The following LRRC72 variants were observed in gnomAD, a reference collection of about 807,000 sequenced individuals.
LRRC72 encodes the protein leucine rich repeat containing 72, also known as leucine-rich repeat-containing protein 72.
Under a neutral mutation model 35.8 loss-of-function variants are expected in LRRC72, and 41 were observed. The observed-to-expected ratio is 1.15, with a 90% CI of 0.89 to 1.49. The LOEUF (loss-of-function observed/expected upper bound fraction) is 1.49, where lower values mean the gene tolerates loss of function less well. LRRC72 is among the 40% of genes most tolerant of loss of function. The pLI is 0.00. For synonymous variants in LRRC72, 118 were observed against 119.2 expected (o/e 0.99, Z 0.07); for missense variants, 389 against 330.7 (o/e 1.18, Z -1.37).
intron 3 of LRRC72, among the ~76,000 whole-genome samples, chr7:16,547,777 G>A (rs1408481541): frequency 3.3e-5 from 5 of 152,244 alleles, no homozygotes; most frequent in Admixed American, 3.3e-4. Flanking sequence ...AGGCTAAAGG[G>A]GAGCTGAAGG....
chr7:16,535,397 G>A (rs1053744170), intron 2 of LRRC72, among the ~76,000 whole-genome samples: 8 of 152,108 alleles, frequency 5.3e-5, no homozygotes, highest in African/African-American at 1.9e-4. Context: ...GAATGAATGA[G>A]ATAGAAGAGG....
At chr7:16,581,122 A>G (rs1783133947) in intron 8 of LRRC72, among the ~76,000 whole-genome samples, 2 of 152,240 alleles carry the variant, frequency 1.3e-5, no homozygotes, top group South Asian at 4.1e-4. Flanking sequence ...TATTTATAAA[A>G]TAAACAATAT....
intron 5 of LRRC72, 30 bp downstream of exon 5, chr7:16,559,029 AG>A (rs1379442070): frequency 1.6e-5 from 21 of 1,274,138 alleles, no homozygotes; most frequent in Non-Finnish European, 2.3e-5. Context: ...TATGGCCATA[AG>A]TTAAAATAGT....
intron 3 of LRRC72, 95 bp downstream of exon 3, chr7:16,537,791 T>G (rs1001453483): frequency 1.4e-6 from 1 of 739,728 alleles, no homozygotes; most frequent in African/African-American, 1.8e-5. Context: ...ATTAAAATTT[T>G]TGCTTAAAAT....
chr7:16,544,091 G>A (rs909145827), intron 3 of LRRC72, among the ~76,000 whole-genome samples: 34 of 152,344 alleles, frequency 2.2e-4, no homozygotes, highest in African/African-American at 7.9e-4. Flanking sequence ...GGTAAAGGGA[G>A]TGGCTCTGCT....
Position 16,581,506 on chromosome 7 carries a change from A to G in LRRC72, c.*17A>G, listed in dbSNP as rs1176731834. 5 of 1,519,608 alleles carry G rather than the reference A, an allele frequency of 3.3e-6. No individual in the cohort carries two copies. The highest frequency in any genetic ancestry group is 4.4e-6 in the Non-Finnish European group (5 of 1,132,860). The allele number at this position is 1,519,608 out of a possible 1,614,324, so 94.1% of individuals were successfully genotyped here. On this transcript the variant is annotated 3_prime_UTR_variant, in exon 9 of 9. Coordinates refer to ENST00000401542, the MANE Select transcript of LRRC72 (RefSeq NM_001195280.2). ...CTGAGATAAGCCCTGGTATTTCTAG[A>G]TATCTTAGTGGTTTTCAGTTGTATA...
At chr7:16,548,102 GAGGAGCTATCT>G (rs767730079) in intron 3 of LRRC72, among the ~76,000 whole-genome samples, 3 of 152,254 alleles carry the variant, frequency 2.0e-5, no homozygotes, top group Non-Finnish European at 4.4e-5. Flanking sequence ...CAGCTGCAGA[GAGGAGCTATCT>G]TCTCTGCTGA....
intron 3 of LRRC72, among the ~76,000 whole-genome samples, chr7:16,545,848 A>C (rs1181680947): frequency 6.6e-6 from 1 of 152,152 alleles, no homozygotes; most frequent in African/African-American, 2.4e-5. Flanking sequence ...TGATTTAACC[A>C]AAAAATATAA....
chr7:16,555,843 G>C (rs1382543286), intron 3 of LRRC72, among the ~76,000 whole-genome samples: 1 of 152,202 alleles, frequency 6.6e-6, no homozygotes, highest in East Asian at 1.9e-4. Flanking sequence ...TTACAGTCAG[G>C]AACATATATT....
At chr7:16,549,144 T>C (rs534563657) in intron 3 of LRRC72, among the ~76,000 whole-genome samples, 1 of 152,168 alleles carries the variant, frequency 6.6e-6, no homozygotes, top group African/African-American at 2.4e-5. Context: ...TGGTCACCAG[T>C]TATAAATTTG....
intron 3 of LRRC72, among the ~76,000 whole-genome samples, chr7:16,544,115 T>C (rs1562740944): frequency 6.6e-6 from 1 of 152,160 alleles, no homozygotes; most frequent in Admixed American, 6.5e-5. Flanking sequence ...AGCAAGTACA[T>C]TGTATTTGAT....
In LRRC72 at chr7:16,566,328, C is replaced by A; in HGVS notation, c.443C>A (p.Pro148His). 2 of 1,537,926 alleles carry A rather than the reference C, an allele frequency of 1.3e-6. No homozygotes were observed. Among genetic ancestry groups the A allele is most frequent in the Non-Finnish European group, 1.8e-6 (2 of 1,142,446 alleles). The change falls in exon 6 of 9, where the codon CCT (proline) becomes CAT (histidine). Residue 148 changes from proline to histidine, a missense_variant. By Grantham distance (77) the Pro-to-His change is moderately conservative (BLOSUM62 -2). Transcript: ENST00000401542. Reference sequence around the variant, plus strand: ...TCATTTGCAGGTCTATACCAAAATCCTTTGTGCCAATATAACCTGTATCGT... The same window carrying A: ...TCATTTGCAGGTCTATACCAAAATCATTTGTGCCAATATAACCTGTATCGT... ...NLKILSLYQN[P>H]LCQYNLYRLY...
chr7:16,567,338 C>A, intron 6 of LRRC72, 53 bp from the exon 7 acceptor site: 1 of 1,199,310 alleles, frequency 8.3e-7, no homozygotes, highest in South Asian at 2.2e-5. Flanking sequence ...TATTTTGAAT[C>A]ACTCCGCCTA....
chr7:16,562,133 G>C (rs893782023), intron 5 of LRRC72, among the ~76,000 whole-genome samples: 1 of 152,324 alleles, frequency 6.6e-6, no homozygotes, highest in Non-Finnish European at 1.5e-5. Flanking sequence ...ACCAGCTGCA[G>C]AGTGTGAGGT....
chr7:16,558,871 AT>A lies in LRRC72; in HGVS notation c.317-17del. 1 of 1,345,236 alleles carries A rather than the reference AT, an allele frequency of 7.4e-7. No individual in the cohort carries two copies. Among genetic ancestry groups the A allele is most frequent in the South Asian group, 1.8e-5 (1 of 55,788 alleles). The allele number at this position is 1,345,236 out of a possible 1,614,324, so 83.3% of individuals were successfully genotyped here. A position where few individuals can be genotyped will look rare whatever the true frequency, so the allele number is the denominator to read the frequency against. ...AAAAAATGTTTAAAATCTTGTAAAAATATTCTGTTTTTTTTAGGTCTGCATT... is the reference window on the plus strand; with the variant it reads ...AAAAAATGTTTAAAATCTTGTAAAAAATTCTGTTTTTTTTAGGTCTGCATT... On this transcript the variant is annotated splice_polypyrimidine_tract_variant and intron_variant, in intron 4 of 8. Transcript: ENST00000401542.
At chr7:16,558,120 T>C (rs2128337277) in intron 4 of LRRC72, among the ~76,000 whole-genome samples, 1 of 152,308 alleles carries the variant, frequency 6.6e-6, no homozygotes, top group East Asian at 1.9e-4. Context: ...ATGATTTGAA[T>C]ATTTGGCTTC....
chr7:16,546,372 G>A (rs765849699), intron 3 of LRRC72, among the ~76,000 whole-genome samples: 3 of 151,932 alleles, frequency 2.0e-5, no homozygotes, highest in Non-Finnish European at 2.9e-5. Context: ...TCTGTCCTGT[G>A]TATTTCAGGA....
chr7:16,528,634 A>G (rs367786981), intron 1 of LRRC72, among the ~76,000 whole-genome samples: 2 of 152,170 alleles, frequency 1.3e-5, no homozygotes, highest in Non-Finnish European at 2.9e-5. Context: ...ATTAGCTGGC[A>G]GACTTTGTTT....
intron 2 of LRRC72, chr7:16,536,884 G>A (rs539665182): frequency 3.6e-4 from 55 of 152,208 alleles, no homozygotes; most frequent in African/African-American, 1.1e-3. Context: ...AAACAGATAC[G>A]TACATGTATA....
Sources: gnomAD v4.1 joint callset for allele counts (sites outside exome capture counted in the v4.1 genomes callset) on GRCh38, gnomAD v4.1.1 for gene constraint, MANE v1.5 for transcripts, NCBI Gene and HGNC (gene_info 2026-07-23, HGNC 2026-07-21) for gene names.